PKNOX2: variants seen among roughly 807,000 people sequenced by gnomAD.
PKNOX2 encodes homeobox protein PKNOX2.
PKNOX2 carries 14 observed loss-of-function variants against 53.1 expected under a neutral mutation model. The observed-to-expected ratio is 0.26, with a 90% CI of 0.17 to 0.41. The LOEUF is 0.41. Among genes scored for constraint, PKNOX2 ranks in the 10% least tolerant of loss-of-function variants. PKNOX2 has a pLI of 1.00. For missense variants in PKNOX2, 496 were observed against 602.8 expected (o/e 0.82, Z 1.85); for synonymous variants, 257 against 242.8 (o/e 1.06, Z -0.54).
chr11:125,302,632 G>C (rs1003724414), intron 2 of PKNOX2, among the ~76,000 whole-genome samples: 3 of 152,260 alleles, frequency 2.0e-5, no homozygotes, highest in Admixed American at 2.0e-4. Context: ...TTAAAACAAG[G>C]CTGTCCCCAA....
chr11:125,406,527 T>C (rs1955110765), intron 7 of PKNOX2, among the ~76,000 whole-genome samples: 4 of 152,196 alleles, frequency 2.6e-5, no homozygotes, highest in Admixed American at 2.0e-4. Flanking sequence ...TGAGTGACCT[T>C]AGCCAAGGGA....
intron 1 of PKNOX2, among the ~76,000 whole-genome samples, chr11:125,206,354 G>T (rs1249869267): frequency 1.3e-5 from 2 of 152,044 alleles, no homozygotes; most frequent in Non-Finnish European, 2.9e-5. Flanking sequence ...TGTAGAGGAG[G>T]GGGTGTTAGG....
rs567886469 is a variant in PKNOX2 at position 125,246,322 on chromosome 11, C to G, written c.-130+11207C>G. 1.1e-4 allele frequency among the ~76,000 whole-genome samples: 17 copies of G among 152,322 alleles called. 1 individual carries two copies. The highest frequency in any genetic ancestry group is 3.8e-4 in the African/African-American group (16 of 41,562). ...ACAGCAAGAGGGACTGGGACACATT[C>G]CTGCAATAACAAACCCACTCCCGTG... On this transcript the variant is annotated intron_variant, in intron 2 of 12. Transcript: ENST00000298282.
intron 4 of PKNOX2, among the ~76,000 whole-genome samples, chr11:125,359,131 G>T (rs577034776): frequency 6.7e-6 from 1 of 148,696 alleles, no homozygotes; most frequent in Non-Finnish European, 1.5e-5. Context: ...GGACACCATC[G>T]GAAAGGCAGG....
intron 1 of PKNOX2, among the ~76,000 whole-genome samples, chr11:125,221,242 G>A (rs984826428): frequency 1.3e-5 from 2 of 152,172 alleles, no homozygotes; most frequent in African/African-American, 2.4e-5. Flanking sequence ...CTGGCACTGG[G>A]GCATCCCAGG....
At chr11:125,308,564 C>T (rs537259543) in intron 2 of PKNOX2, among the ~76,000 whole-genome samples, 8 of 152,326 alleles carry the variant, frequency 5.3e-5, no homozygotes, top group South Asian at 4.2e-4. Flanking sequence ...AAGGAGATGG[C>T]GACCTCCACA....
chr11:125,189,371 A>G (rs10893345), intron 1 of PKNOX2, among the ~76,000 whole-genome samples: 44 of 79,634 alleles, frequency 5.5e-4, no homozygotes, highest in East Asian at 1.7e-3. Context: ...ATATATATGT[A>G]TATATATATA....
At position 125,367,976 on chromosome 11, in the gene PKNOX2, C is replaced by G. The variant is rs1952285031; in HGVS notation, c.218C>G (p.Ala73Gly). 2.5e-6 allele frequency: 4 copies of G among 1,613,116 alleles called. No individual in the cohort carries two copies. Among genetic ancestry groups the G allele is most frequent in the Non-Finnish European group, 3.4e-6 (4 of 1,179,538 alleles). The change falls in exon 5 of 13, where the codon GCT (alanine) becomes GGT (glycine). Residue 73 changes from alanine to glycine, a missense_variant. By Grantham distance (60) the Ala-to-Gly change is moderately conservative. This residue lies in a region of PKNOX2 where 168 missense variants were observed against 178.4 expected (regional missense o/e 0.94). Coordinates refer to ENST00000298282, the MANE Select transcript of PKNOX2 (RefSeq NM_001382323.2). ...GCCCAGCTGGAGGCTGACAAGCGAGCTGTATACAGGTAGGAGACACTTCAG... is the reference window on the plus strand; with the variant it reads ...GCCCAGCTGGAGGCTGACAAGCGAGGTGTATACAGGTAGGAGACACTTCAG... The part of the protein sequence containing the change: ...PQAQLEADKR[A>G]VYRHPLFPLL...
At chr11:125,371,585 C>A (rs1952550343) in intron 5 of PKNOX2, among the ~76,000 whole-genome samples, 1 of 151,990 alleles carries the variant, frequency 6.6e-6, no homozygotes, top group African/African-American at 2.4e-5. Context: ...GAGTGGGTTC[C>A]CATGGAAACC....
intron 4 of PKNOX2, 40 bp downstream of exon 4, chr11:125,351,432 G>T: frequency 7.7e-7 from 1 of 1,301,766 alleles, no homozygotes; most frequent in East Asian, 2.4e-5. Context: ...CACGGGGGAG[G>T]GAGTGTGGTG....
chr11:125,193,310 AG>A (rs2135359630), intron 1 of PKNOX2, among the ~76,000 whole-genome samples: 1 of 152,296 alleles, frequency 6.6e-6, no homozygotes, highest in African/African-American at 2.4e-5. Context: ...CGCGGCAGAA[AG>A]CCCCCTCTCT....
At chr11:125,182,266 T>A (rs1475840961) in intron 1 of PKNOX2, among the ~76,000 whole-genome samples, 2 of 151,792 alleles carry the variant, frequency 1.3e-5, no homozygotes, top group Non-Finnish European at 2.9e-5. Context: ...GCCCTGTGAG[T>A]CAGGAGAGAG....
At chr11:125,170,280 G>A (rs1005467480) in intron 1 of PKNOX2, among the ~76,000 whole-genome samples, 10 of 152,200 alleles carry the variant, frequency 6.6e-5, no homozygotes, top group Non-Finnish European at 1.2e-4. Context: ...TCCTGGAGAC[G>A]CGGCTCTGGT....
chr11:125,317,938 T>A (rs565984473), intron 2 of PKNOX2, among the ~76,000 whole-genome samples: 4 of 152,306 alleles, frequency 2.6e-5, no homozygotes, highest in South Asian at 4.1e-4. Context: ...ACTGAAAAAA[T>A]TTGTTGTTTA....
rs948098052 is a variant in PKNOX2 at position 125,431,644 on chromosome 11, G to T, written c.*252G>T. ...TTTGGCGGGGCCAGTCGAGCAGCCT[G>T]TGTGGAAAGACAGGAGTGAGATCTG... On this transcript the variant is annotated 3_prime_UTR_variant, in exon 13 of 13. Transcript: ENST00000298282. 2 of 520,134 alleles carry T rather than the reference G, an allele frequency of 3.8e-6. No homozygotes were observed. Among genetic ancestry groups the T allele is most frequent in the African/African-American group, 1.9e-5 (1 of 52,488 alleles). 32.2% of individuals were successfully genotyped at this position (520,134 alleles called of 1,614,324 possible). A position where few individuals can be genotyped will look rare whatever the true frequency, so the allele number is the denominator to read the frequency against.
chr11:125,324,969 A>T lies in PKNOX2; in HGVS notation c.-129-6850A>T, dbSNP rs139671127. On this transcript the variant is annotated intron_variant, in intron 2 of 12. Transcript: ENST00000298282. ...TGAGTTTTGTAAGGAAAGTAGAGAC[A>T]GGCAGGGCCTTGCAGAGATGTTCAA... is the stretch of plus-strand genomic sequence containing the variant. Among the ~76,000 whole-genome samples the T allele has an allele frequency of 2.9e-3, 435 of 152,324 alleles. 6 individuals are homozygous for T. Among genetic ancestry groups the T allele is most frequent in the African/African-American group, 0.01 (420 of 41,570 alleles).
intron 5 of PKNOX2, 149 bp downstream of exon 5, chr11:125,368,134 A>C: frequency 2.0e-6 from 2 of 985,822 alleles, no homozygotes; most frequent in Non-Finnish European, 2.8e-6. Context: ...TCTCTACTCA[A>C]TCCAGAAACC....
intron 2 of PKNOX2, among the ~76,000 whole-genome samples, chr11:125,313,052 C>T (rs149252076): frequency 2.3e-4 from 35 of 152,160 alleles, no homozygotes; most frequent in Non-Finnish European, 4.9e-4. Flanking sequence ...CCACCGAGGG[C>T]AACAGGGAGC....
At chr11:125,188,750 G>T (rs1015306021) in intron 1 of PKNOX2, among the ~76,000 whole-genome samples, 3 of 152,104 alleles carry the variant, frequency 2.0e-5, no homozygotes, top group African/African-American at 7.2e-5. Flanking sequence ...ATAGCCAATG[G>T]TTAGTTTCTG....
Sources: gnomAD v4.1 joint callset for allele counts (sites outside exome capture counted in the v4.1 genomes callset) on GRCh38, gnomAD v4.1.1 for gene constraint, gnomAD v4.1.1 regional missense constraint, MANE v1.5 for transcripts, NCBI Gene and HGNC (gene_info 2026-07-23, HGNC 2026-07-21) for gene names.